PAK2: variants seen among roughly 807,000 people sequenced by gnomAD.
PAK2 encodes the protein serine/threonine-protein kinase PAK 2.
In PAK2, 21 loss-of-function variants were observed where a neutral mutation model predicts 65.9. That is an observed-to-expected ratio of 0.32 (90% CI 0.23 to 0.46). The LOEUF is 0.46. PAK2 is among the 20% of genes least tolerant of loss of function. The probability of loss-of-function intolerance (pLI) is 1.00; values close to 1 mark genes in which losing one functional copy is unlikely to be tolerated. For missense variants in PAK2, 324 were observed against 642.6 expected (o/e 0.50, Z 5.36); for synonymous variants, 204 against 219.7 (o/e 0.93, Z 0.63).
chr3:196,783,607 A>G (rs1714784487), intron 2 of PAK2, among the ~76,000 whole-genome samples: 1 of 151,472 alleles, frequency 6.6e-6, no homozygotes, highest in Non-Finnish European at 1.5e-5. Flanking sequence ...GTGTACGTAT[A>G]TATATGTGTA....
chr3:196,769,406 T>G (rs1480144013), intron 1 of PAK2, among the ~76,000 whole-genome samples: 1 of 152,000 alleles, frequency 6.6e-6, no homozygotes, highest in Non-Finnish European at 1.5e-5. Flanking sequence ...TAACATAAAA[T>G]GTATTATTTA....
intron 1 of PAK2, among the ~76,000 whole-genome samples, chr3:196,742,816 C>T (rs1243442483): frequency 1.3e-5 from 2 of 152,158 alleles, no homozygotes; most frequent in African/African-American, 4.8e-5. Context: ...ACTCGGGAGG[C>T]TGAGGCCGGA....
chr3:196,781,153 T>G (rs1244279945), intron 1 of PAK2, among the ~76,000 whole-genome samples: 1 of 152,240 alleles, frequency 6.6e-6, no homozygotes, highest in African/African-American at 2.4e-5. Context: ...AAAATTTGTT[T>G]TTAAGTTCTG....
intron 11 of PAK2, among the ~76,000 whole-genome samples, chr3:196,816,770 C>T (rs1319776911): frequency 1.3e-5 from 2 of 152,132 alleles, no homozygotes; most frequent in Non-Finnish European, 2.9e-5. Flanking sequence ...TTCAAAAACA[C>T]AAGAGTGAGC....
Position 196,758,805 on chromosome 3 carries a change from A to G in PAK2, c.-22+18648A>G, listed in dbSNP as rs75929590. Reference sequence around the variant, plus strand: ...TGAGTAGCTGGGACAGCAGGCACTCATGATCACGCCTGGCTAAATTTTATA... The same window carrying G: ...TGAGTAGCTGGGACAGCAGGCACTCGTGATCACGCCTGGCTAAATTTTATA... On this transcript the variant is annotated intron_variant, in intron 1 of 14. Coordinates refer to ENST00000327134, the MANE Select transcript of PAK2 (RefSeq NM_002577.4). Among the ~76,000 whole-genome samples the G allele has an allele frequency of 9.8e-3, 1,496 of 152,134 alleles. 25 individuals are homozygous for G. The highest frequency in any genetic ancestry group is 0.034 in the African/African-American group (1,413 of 41,494).
At chr3:196,813,237 A>G (rs1715884196) in intron 10 of PAK2, among the ~76,000 whole-genome samples, 1 of 152,162 alleles carries the variant, frequency 6.6e-6, no homozygotes, top group Non-Finnish European at 1.5e-5. Context: ...TTATATGTCT[A>G]TCAAAACCTC....
At chr3:196,825,515 C>T (rs376526160) in intron 13 of PAK2, among the ~76,000 whole-genome samples, 13 of 150,904 alleles carry the variant, frequency 8.6e-5, no homozygotes, top group Middle Eastern at 3.5e-3. Context: ...TTTTGGCGGG[C>T]GCCTATAATC....
chr3:196,826,386 A>C (rs561137360), intron 13 of PAK2, among the ~76,000 whole-genome samples: 8 of 151,408 alleles, frequency 5.3e-5, no homozygotes, highest in South Asian at 4.2e-4. Flanking sequence ...GTTAGTCAGG[A>C]TGCTCTCAAT....
Position 196,779,763 on chromosome 3 carries a change from C to T in PAK2, c.-21-2863C>T, listed in dbSNP as rs550006198. Among the ~76,000 whole-genome samples the T allele has an allele frequency of 4.6e-5, 7 of 152,268 alleles. 1 individual carries two copies. In the South Asian group the frequency reaches 1.0e-3, roughly 23 times the overall value. On this transcript the variant is annotated intron_variant, in intron 1 of 14. Coordinates refer to ENST00000327134, the MANE Select transcript of PAK2 (RefSeq NM_002577.4). ...TCTCAGCTCTGCAACCTCTGCCTCCCGGGCTCAAGTGATTCCTCTGCCTCA... is the reference window on the plus strand; with the variant it reads ...TCTCAGCTCTGCAACCTCTGCCTCCTGGGCTCAAGTGATTCCTCTGCCTCA...
At chr3:196,782,098 T>A (rs747329883) in intron 1 of PAK2, among the ~76,000 whole-genome samples, 1 of 152,044 alleles carries the variant, frequency 6.6e-6, no homozygotes, top group Non-Finnish European at 1.5e-5. Context: ...AGAGCGAGAC[T>A]CCATCTTGAA....
intron 1 of PAK2, among the ~76,000 whole-genome samples, chr3:196,779,427 C>T (rs1560101351): frequency 1.3e-5 from 2 of 152,286 alleles, no homozygotes; most frequent in South Asian, 2.1e-4. Flanking sequence ...TAGAGTCAGC[C>T]ATTCCTTCAA....
At chr3:196,753,671 A>T (rs1362851302) in intron 1 of PAK2, among the ~76,000 whole-genome samples, 2 of 152,198 alleles carry the variant, frequency 1.3e-5, no homozygotes, top group Non-Finnish European at 2.9e-5. Context: ...CCTGGAAGCC[A>T]CATTTAATGA....
In PAK2 at chr3:196,748,413, A is replaced by G. The variant is rs1221179504; in HGVS notation, c.-22+8256A>G. Among the ~76,000 whole-genome samples the G allele has an allele frequency of 3.3e-5, 5 of 152,208 alleles. No homozygotes were observed. In the South Asian group the frequency reaches 8.3e-4, roughly 25 times the overall value. ...ACATTCAGTGGGTTTTGACAAATGT[A>G]TAACAACATGTCTCCACCAGTATCA... On this transcript the variant is annotated intron_variant, in intron 1 of 14. Transcript: ENST00000327134.
chr3:196,824,944 T>C (rs775360125), intron 13 of PAK2, among the ~76,000 whole-genome samples: 1 of 152,144 alleles, frequency 6.6e-6, no homozygotes, highest in Non-Finnish European at 1.5e-5. Flanking sequence ...AGTATAATAA[T>C]GTAGACAATA....
intron 12 of PAK2, among the ~76,000 whole-genome samples, chr3:196,819,872 G>A (rs544018406): frequency 2.0e-5 from 3 of 152,078 alleles, no homozygotes; most frequent in East Asian, 1.9e-4. Flanking sequence ...GTGTGATGGC[G>A]CACACTTGTA....
chr3:196,817,958 C>A, intron 11 of PAK2, 99 bp from the exon 12 acceptor site: 1 of 518,660 alleles, frequency 1.9e-6, no homozygotes, highest in Non-Finnish European at 3.5e-6. Flanking sequence ...GGGTCTTCTG[C>A]TGGGCACTGG....
intron 1 of PAK2, among the ~76,000 whole-genome samples, chr3:196,767,162 A>C (rs572357630): frequency 2.0e-5 from 3 of 152,150 alleles, no homozygotes; most frequent in Admixed American, 6.5e-5. Context: ...TAGTTGAGCC[A>C]TTCCCCTATT....
chr3:196,774,020 A>G (rs962675976), intron 1 of PAK2, among the ~76,000 whole-genome samples: 4 of 152,178 alleles, frequency 2.6e-5, no homozygotes, highest in African/African-American at 9.7e-5. Flanking sequence ...GGACAGAACG[A>G]GACTCCGTCT....
intron 1 of PAK2, among the ~76,000 whole-genome samples, chr3:196,745,760 C>T (rs1324063955): frequency 2.7e-5 from 4 of 150,284 alleles, no homozygotes; most frequent in Non-Finnish European, 5.9e-5. Context: ...GTTGCAATGA[C>T]CTGAGATCAA....
Sources: allele counts gnomAD v4.1 joint callset (sites outside exome capture counted in the v4.1 genomes callset), GRCh38; gene constraint gnomAD v4.1.1; transcripts MANE v1.5; gene names NCBI Gene and HGNC (gene_info 2026-07-23, HGNC 2026-07-21).